Variants in SLC60A1 observed in about 807,000 individuals in gnomAD.
SLC60A1 encodes the protein major facilitator superfamily domain containing 4.
the SLC60A1 span, chr1:205,583,865 G>T: frequency 6.8e-7 from 1 of 1,467,578 alleles, no homozygotes; most frequent in Non-Finnish European, 9.1e-7. Flanking sequence ...TCTTCTCCCA[G>T]GACTATGCAC....
chr1:205,584,669 G>A, the SLC60A1 span, among the ~76,000 whole-genome samples: 1 of 151,964 alleles, frequency 6.6e-6, no homozygotes, highest in Non-Finnish European at 1.5e-5. Flanking sequence ...GTTACCTTGG[G>A]CAAGTCACCT....
chr1:205,583,956 T>G, the SLC60A1 span: 1 of 1,612,828 alleles, frequency 6.2e-7, no homozygotes, highest in Non-Finnish European at 8.5e-7. Context: ...GCTCCCCAGC[T>G]TCCAGTGCCC....
At chr1:205,593,945 G>A in the SLC60A1 span, among the ~76,000 whole-genome samples, 2 of 152,178 alleles carry the variant, frequency 1.3e-5, no homozygotes, top group Non-Finnish European at 2.9e-5. Context: ...CTGAGTGGGG[G>A]CACTACACAT....
the SLC60A1 span, among the ~76,000 whole-genome samples, chr1:205,591,107 A>C: frequency 6.6e-6 from 1 of 152,222 alleles, no homozygotes; most frequent in Admixed American, 6.5e-5. Flanking sequence ...GACTCAATGC[A>C]GACATAAAAA....
chr1:205,594,762 C>T, the SLC60A1 span, among the ~76,000 whole-genome samples: 2 of 152,220 alleles, frequency 1.3e-5, no homozygotes, highest in Admixed American at 1.3e-4. Flanking sequence ...CTTCATTGAC[C>T]TGCTTGGACT....
the SLC60A1 span, chr1:205,584,149 C>A: frequency 1.9e-6 from 3 of 1,606,568 alleles, no homozygotes; most frequent in South Asian, 3.3e-5. Context: ...AATCTGCATC[C>A]TCACAGCCTC....
the SLC60A1 span, chr1:205,595,220 C>G: frequency 1.3e-5 from 2 of 152,408 alleles, no homozygotes; most frequent in African/African-American, 4.8e-5. Flanking sequence ...CTTCTCTCTC[C>G]CTGCTTCCCC....
the SLC60A1 span, among the ~76,000 whole-genome samples, chr1:205,580,243 G>A: frequency 5.3e-5 from 8 of 151,902 alleles, no homozygotes; most frequent in Non-Finnish European, 1.2e-4. This position sits in a 1 kb window ranked among gnomAD's most constrained non-coding sequence, Gnocchi z 5.0. Flanking sequence ...TCCTTTCTTC[G>A]TCTTTCTCCC....
chr1:205,583,291 C>T, the SLC60A1 span, among the ~76,000 whole-genome samples: 8 of 152,146 alleles, frequency 5.3e-5, no homozygotes, highest in Admixed American at 4.6e-4. Flanking sequence ...ACAGGCTGTT[C>T]GTAAACATGT....
At chr1:205,593,041 C>T in the SLC60A1 span, among the ~76,000 whole-genome samples, 1 of 152,132 alleles carries the variant, frequency 6.6e-6, no homozygotes, top group Non-Finnish European at 1.5e-5. Context: ...CTAATTCTCT[C>T]GACTAATCTC....
chr1:205,586,911 G>A, the SLC60A1 span, among the ~76,000 whole-genome samples: 1 of 152,092 alleles, frequency 6.6e-6, no homozygotes, highest in Non-Finnish European at 1.5e-5. Flanking sequence ...TGGCCAGGCT[G>A]GTCTTGAACT....
At chr1:205,579,160 C>A in the SLC60A1 span, among the ~76,000 whole-genome samples, 2 of 152,252 alleles carry the variant, frequency 1.3e-5, no homozygotes, top group Non-Finnish European at 2.9e-5. Context: ...CCTGCGACCT[C>A]TGCCTGCTAC....
chr1:205,588,960 AG>A, the SLC60A1 span, among the ~76,000 whole-genome samples: 1 of 152,334 alleles, frequency 6.6e-6, no homozygotes, highest in Non-Finnish European at 1.5e-5. Flanking sequence ...TCACTGGCTG[AG>A]GCAGGGGCCA....
chr1:205,579,711 T>C, the SLC60A1 span: 3 of 1,597,836 alleles, frequency 1.9e-6, no homozygotes, highest in Non-Finnish European at 2.6e-6. Context: ...GAGGGGATGC[T>C]TCCAGCCCCA....
At chr1:205,597,954 T>C in the SLC60A1 span, 7 of 1,237,884 alleles carry the variant, frequency 5.7e-6, no homozygotes, top group African/African-American at 8.9e-5. Context: ...GTCCCTTTCC[T>C]GAGTCTCCAG....
At chr1:205,585,968 C>T in the SLC60A1 span, 1 of 1,496,664 alleles carries the variant, frequency 6.7e-7, no homozygotes, top group South Asian at 1.4e-5. The surrounding 1 kb of genome is among the most constrained non-coding windows in gnomAD (Gnocchi z 4.2). Context: ...AGCCTGGGCT[C>T]CCTTTGTGAG....
At chr1:205,583,938 C>T in the SLC60A1 span, 21 of 1,609,838 alleles carry the variant, frequency 1.3e-5, no homozygotes, top group South Asian at 2.2e-5. Context: ...TCTCCTGACC[C>T]TCTGCCTGCT....
At chr1:205,600,336 C>A in the SLC60A1 span, 1 of 1,495,678 alleles carries the variant, frequency 6.7e-7, no homozygotes. Flanking sequence ...GGTAAGCTCT[C>A]AGAATGAATC....
the SLC60A1 span, among the ~76,000 whole-genome samples, chr1:205,594,789 G>A: frequency 1.2e-3 from 188 of 152,226 alleles, no homozygotes; most frequent in Non-Finnish European, 2.1e-3. Flanking sequence ...TGGTACCCAG[G>A]TTTTTCCAAG....
Sources: allele counts gnomAD v4.1 joint callset (sites outside exome capture counted in the v4.1 genomes callset), GRCh38; gene constraint gnomAD v4.1.1; non-coding constraint Gnocchi (gnomAD v3.1); transcripts MANE v1.5; gene names NCBI Gene and HGNC (gene_info 2026-07-23, HGNC 2026-07-21).